Variants in MTA3 observed in about 807,000 individuals in gnomAD.
The protein encoded by MTA3 is metastasis-associated protein MTA3.
Under a neutral mutation model 83.5 loss-of-function variants are expected in MTA3, and 34 were observed. That is an observed-to-expected ratio of 0.41 (90% CI 0.31 to 0.54). MTA3 has a LOEUF of 0.54. Ranked by LOEUF, MTA3 falls within the 20% of genes least tolerant of loss-of-function variation. The pLI, the probability that MTA3 is intolerant of heterozygous loss-of-function variation, is 0.33. For synonymous variants in MTA3, 303 were observed against 252.7 expected (o/e 1.20, Z -1.89); for missense variants, 761 against 726.4 (o/e 1.05, Z -0.55).
intron 3 of MTA3, among the ~76,000 whole-genome samples, chr2:42,580,795 C>G (rs1301870498): frequency 6.6e-6 from 1 of 152,138 alleles, no homozygotes; most frequent in Non-Finnish European, 1.5e-5. Flanking sequence ...AGGGTTTCAC[C>G]ATGTTGGCCA....
intron 8 of MTA3, among the ~76,000 whole-genome samples, chr2:42,666,657 T>G (rs1271487509): frequency 6.6e-6 from 1 of 152,222 alleles, no homozygotes; most frequent in African/African-American, 2.4e-5. Context: ...AGGTCTATAA[T>G]TAAAAACTCA....
intron 4 of MTA3, among the ~76,000 whole-genome samples, chr2:42,638,213 G>A (rs1687371692): frequency 6.6e-6 from 1 of 151,910 alleles, no homozygotes; most frequent in African/African-American, 2.4e-5. Context: ...TTAATGAGGG[G>A]AAAAAGTAAG....
At chr2:42,711,911 C>G (rs920444262) in intron 14 of MTA3, among the ~76,000 whole-genome samples, 1 of 151,914 alleles carries the variant, frequency 6.6e-6, no homozygotes, top group Non-Finnish European at 1.5e-5. Flanking sequence ...TGTGAATGTA[C>G]TTTCAGATAA....
At chr2:42,588,856 AAG>A (rs1264199798) in intron 3 of MTA3, among the ~76,000 whole-genome samples, 1 of 152,108 alleles carries the variant, frequency 6.6e-6, no homozygotes, top group Non-Finnish European at 1.5e-5. Flanking sequence ...TATACATATA[AAG>A]AGATTTTTTT....
intron 2 of MTA3, among the ~76,000 whole-genome samples, chr2:42,548,161 G>A (rs1350243159): frequency 1.3e-5 from 2 of 152,072 alleles, no homozygotes; most frequent in East Asian, 3.8e-4. Context: ...TAGTTAACCT[G>A]AGGTCTAAAA....
chr2:42,747,645 G>A (rs973550197), intron 16 of MTA3, among the ~76,000 whole-genome samples: 6 of 151,362 alleles, frequency 4.0e-5, no homozygotes, highest in Non-Finnish European at 5.9e-5. Context: ...CACTGTTGGG[G>A]CACTTAAAGC....
intron 8 of MTA3, among the ~76,000 whole-genome samples, chr2:42,681,799 C>T (rs1001129964): frequency 1.3e-5 from 2 of 151,004 alleles, no homozygotes; most frequent in African/African-American, 4.9e-5. Flanking sequence ...GCATGAGCCA[C>T]GATGTGTGGC....
At chr2:42,627,535 A>C (rs1033183691) in intron 4 of MTA3, among the ~76,000 whole-genome samples, 2 of 151,394 alleles carry the variant, frequency 1.3e-5, no homozygotes, top group African/African-American at 2.4e-5. Context: ...GCCCCCTCAC[A>C]TTCTCTTTAT....
chr2:42,692,795 T>G lies in MTA3; in HGVS notation c.892-2970T>G, dbSNP rs79161115. Among the ~76,000 whole-genome samples the G allele has an allele frequency of 1.9e-3, 286 of 152,350 alleles. 1 individual carries two copies. The highest frequency in any genetic ancestry group is 6.5e-3 in the African/African-American group (270 of 41,584). ...TGTCCAGCATTGGTCCCTCCTGACT[T>G]ACTTACTTTGTTTGGTGAGGTCATA... On this transcript the variant is annotated intron_variant, in intron 9 of 16. Coordinates refer to ENST00000405094, the MANE Select transcript of MTA3 (RefSeq NM_001330442.2).
At chr2:42,732,731 G>A (rs1478818190) in intron 16 of MTA3, among the ~76,000 whole-genome samples, 1 of 152,144 alleles carries the variant, frequency 6.6e-6, no homozygotes, top group Admixed American at 6.6e-5. Flanking sequence ...ACTGAATGCA[G>A]TACCCAAGTG....
intron 8 of MTA3, among the ~76,000 whole-genome samples, chr2:42,674,623 G>A (rs1176172626): frequency 2.2e-5 from 3 of 137,432 alleles, no homozygotes; most frequent in Admixed American, 7.6e-5. Context: ...TTTTTGAGAC[G>A]GAGTCTCACT....
chr2:42,554,665 C>A (rs1326419916), intron 2 of MTA3, among the ~76,000 whole-genome samples: 1 of 152,156 alleles, frequency 6.6e-6, no homozygotes. Flanking sequence ...ACATGAAAAT[C>A]TCCTTTTGAG....
chr2:42,694,086 T>A (rs1693156575), intron 9 of MTA3, among the ~76,000 whole-genome samples: 1 of 152,070 alleles, frequency 6.6e-6, no homozygotes, highest in African/African-American at 2.4e-5. Context: ...GCCTCACGAC[T>A]CTGCCTGGTG....
chr2:42,585,000 C>T (rs781005151), intron 3 of MTA3, among the ~76,000 whole-genome samples: 4 of 151,462 alleles, frequency 2.6e-5, no homozygotes, highest in African/African-American at 4.9e-5. Flanking sequence ...GGCACAATCT[C>T]GGCTCACTGC....
intron 2 of MTA3, among the ~76,000 whole-genome samples, chr2:42,535,409 T>C (rs1280641620): frequency 6.6e-6 from 1 of 152,048 alleles, no homozygotes; most frequent in East Asian, 1.9e-4. Context: ...CAAACTTTTT[T>C]TTTATTAAAA....
intron 9 of MTA3, among the ~76,000 whole-genome samples, chr2:42,684,951 G>A (rs1692236823): frequency 6.6e-6 from 1 of 152,182 alleles, no homozygotes; most frequent in Admixed American, 6.5e-5. Flanking sequence ...AAGTGTATAG[G>A]AATATTAAAA....
intron 8 of MTA3, among the ~76,000 whole-genome samples, chr2:42,680,661 A>G (rs1320167664): frequency 6.6e-6 from 1 of 152,228 alleles, no homozygotes; most frequent in African/African-American, 2.4e-5. Context: ...ATACACATGT[A>G]TGTACATGCT....
intron 2 of MTA3, among the ~76,000 whole-genome samples, chr2:42,556,254 C>T (rs989945421): frequency 1.3e-5 from 2 of 152,074 alleles, no homozygotes; most frequent in Non-Finnish European, 2.9e-5. Flanking sequence ...CAGAGTCTCC[C>T]GAAAGCCTAT....
chr2:42,594,705 C>T (rs13003748), intron 3 of MTA3, among the ~76,000 whole-genome samples: 17 of 46,504 alleles, frequency 3.7e-4, no homozygotes, highest in South Asian at 1.7e-3. Flanking sequence ...TATAAATATA[C>T]ATATATATAT....
Sources: allele counts gnomAD v4.1 joint callset (sites outside exome capture counted in the v4.1 genomes callset), GRCh38; gene constraint gnomAD v4.1.1; transcripts MANE v1.5; gene names NCBI Gene and HGNC (gene_info 2026-07-23, HGNC 2026-07-21).